Variants in GSK3B observed in about 807,000 individuals in gnomAD.
The protein encoded by GSK3B is glycogen synthase kinase-3 beta.
Under a neutral mutation model 56.4 loss-of-function variants are expected in GSK3B, and 15 were observed. That is an observed-to-expected ratio of 0.27 (90% confidence interval 0.18 to 0.41). The LOEUF is 0.41. Among genes scored for constraint, GSK3B ranks in the 10% least tolerant of loss-of-function variants. The pLI, the probability that GSK3B is intolerant of heterozygous loss-of-function variation, is 1.00. For synonymous variants in GSK3B, 181 were observed against 188.9 expected (o/e 0.96, Z 0.34); for missense variants, 300 against 513.4 (o/e 0.58, Z 4.02).
At chr3:120,061,452 A>C (rs918589175) in intron 1 of GSK3B, among the ~76,000 whole-genome samples, 1 of 152,204 alleles carries the variant, frequency 6.6e-6, no homozygotes, top group African/African-American at 2.4e-5. Context: ...TTATCAATTT[A>C]TTTCAATGTA....
chr3:119,934,189 A>G (rs1432936494), intron 3 of GSK3B, among the ~76,000 whole-genome samples: 2 of 152,196 alleles, frequency 1.3e-5, no homozygotes, highest in Non-Finnish European at 2.9e-5. Context: ...AAAGTATGGA[A>G]AGAGTGGGGA....
chr3:119,973,637 T>C (rs750977239), intron 2 of GSK3B, among the ~76,000 whole-genome samples: 3 of 152,210 alleles, frequency 2.0e-5, no homozygotes, highest in Non-Finnish European at 4.4e-5. Flanking sequence ...GCACAATAAA[T>C]ATTTTGAGAG....
In GSK3B at chr3:119,824,050, C is replaced by T. The variant is rs1241575351; in HGVS notation, c.*2738G>A. 1 of 202,838 alleles carries T rather than the reference C, an allele frequency of 4.9e-6. No homozygotes were observed. Among genetic ancestry groups the T allele is most frequent in the Non-Finnish European group, 1.0e-5 (1 of 98,878 alleles). The allele number at this position is 202,838 out of a possible 1,614,324, so 12.6% of individuals were successfully genotyped here. ...GTTAAAACTATATGGCTTTAAAAAG[C>T]TCGTCTACATTTTGTCTGATTATTA... On this transcript the variant is annotated 3_prime_UTR_variant, in exon 11 of 11. Coordinates refer to ENST00000264235, the MANE Select transcript of GSK3B (RefSeq NM_001146156.2).
intron 10 of GSK3B, among the ~76,000 whole-genome samples, chr3:119,842,199 A>G (rs2055781924): frequency 2.6e-5 from 4 of 152,216 alleles, no homozygotes; most frequent in Non-Finnish European, 1.5e-5. Context: ...ATTTCACTTC[A>G]CTCTTAAGGG....
At chr3:119,956,630 C>T (rs985984316) in intron 2 of GSK3B, among the ~76,000 whole-genome samples, 3 of 152,134 alleles carry the variant, frequency 2.0e-5, no homozygotes, top group South Asian at 2.1e-4. Context: ...AGTGATCAAA[C>T]TCCCCAGCAG....
intron 8 of GSK3B, among the ~76,000 whole-genome samples, chr3:119,876,115 A>C (rs542323749): frequency 6.6e-6 from 1 of 152,260 alleles, no homozygotes; most frequent in African/African-American, 2.4e-5. Flanking sequence ...TCTGAATTTT[A>C]GGTTGTCAAA....
At chr3:119,897,485 T>C (rs2056580730) in intron 7 of GSK3B, among the ~76,000 whole-genome samples, 1 of 151,914 alleles carries the variant, frequency 6.6e-6, no homozygotes. Flanking sequence ...TTCCTTGTAC[T>C]ATAATAGGGG....
intron 2 of GSK3B, among the ~76,000 whole-genome samples, chr3:119,949,793 CAAAAA>C (rs927567102): frequency 1.6e-5 from 1 of 62,318 alleles, no homozygotes; most frequent in African/African-American, 4.9e-5. Context: ...GACTCCGTCT[CAAAAA>C]AAAAAAAAAA....
chr3:120,074,916 C>A (rs2058356725), intron 1 of GSK3B, among the ~76,000 whole-genome samples: 1 of 152,170 alleles, frequency 6.6e-6, no homozygotes, highest in Non-Finnish European at 1.5e-5. Context: ...CACCTTGATA[C>A]CTAAGCTAGA....
At chr3:119,898,198 C>T (rs867310266) in intron 7 of GSK3B, among the ~76,000 whole-genome samples, 5 of 152,148 alleles carry the variant, frequency 3.3e-5, no homozygotes, top group Admixed American at 6.6e-5. Flanking sequence ...CTCATGTAAC[C>T]TATTAAATAT....
chr3:119,949,992 C>A (rs896408720), intron 2 of GSK3B, among the ~76,000 whole-genome samples: 3 of 151,068 alleles, frequency 2.0e-5, no homozygotes, highest in Non-Finnish European at 4.4e-5. Flanking sequence ...ATTTGGGAGT[C>A]ATCTAGATAA....
At chr3:119,927,566 C>A (rs1269669126) in intron 3 of GSK3B, among the ~76,000 whole-genome samples, 1 of 152,116 alleles carries the variant, frequency 6.6e-6, no homozygotes, top group African/African-American at 2.4e-5. Flanking sequence ...AAAGCAAAAA[C>A]AGTAGAAAGG....
rs551997172 is a variant in GSK3B, at chr3:119,834,205, C to A, written c.1196-7350G>T. On this transcript the variant is annotated intron_variant, in intron 10 of 10. Transcript: ENST00000264235. Reference sequence around the variant, plus strand: ...GTGTACCTAACTCAGGATGTTCCTACTCAAGCTGTTCCAAGTGGAAATGCT... The same window carrying A: ...GTGTACCTAACTCAGGATGTTCCTAATCAAGCTGTTCCAAGTGGAAATGCT... 7.2e-5 allele frequency among the ~76,000 whole-genome samples: 11 copies of A among 152,302 alleles called. No homozygotes were observed. In the South Asian group the frequency reaches 1.9e-3, roughly 26 times the overall value.
At chr3:119,966,612 T>C (rs1199296347) in intron 2 of GSK3B, among the ~76,000 whole-genome samples, 2 of 152,172 alleles carry the variant, frequency 1.3e-5, no homozygotes, top group Non-Finnish European at 2.9e-5. Flanking sequence ...TCAGAGAGAC[T>C]GGCTGGGGGT....
At chr3:119,861,447 G>A (rs1398644596) in intron 9 of GSK3B, among the ~76,000 whole-genome samples, 1 of 151,080 alleles carries the variant, frequency 6.6e-6, no homozygotes, top group Non-Finnish European at 1.5e-5. Context: ...GGAGGTGGAG[G>A]TTGCAGCGAG....
At chr3:119,925,300 T>C (rs1388231865) in intron 3 of GSK3B, among the ~76,000 whole-genome samples, 2 of 152,188 alleles carry the variant, frequency 1.3e-5, no homozygotes, top group Non-Finnish European at 1.5e-5. Context: ...TGCACTCCAG[T>C]CTGGGTGACA....
chr3:120,047,139 C>A (rs910134852), intron 1 of GSK3B, among the ~76,000 whole-genome samples: 1 of 152,144 alleles, frequency 6.6e-6, no homozygotes, highest in Non-Finnish European at 1.5e-5. Context: ...GATAGGCAAA[C>A]AGAATTTTCA....
intron 7 of GSK3B, among the ~76,000 whole-genome samples, chr3:119,876,763 G>A (rs979877582): frequency 6.6e-6 from 1 of 152,102 alleles, no homozygotes; most frequent in Non-Finnish European, 1.5e-5. Context: ...CTTGTGAATG[G>A]ACTCATGTCA....
intron 9 of GSK3B, among the ~76,000 whole-genome samples, chr3:119,853,757 T>C (rs1295221133): frequency 1.3e-5 from 2 of 152,202 alleles, no homozygotes; most frequent in African/African-American, 4.8e-5. Context: ...CTTGTGATTT[T>C]TGACATTGAT....
Sources: gnomAD v4.1 joint callset for allele counts (sites outside exome capture counted in the v4.1 genomes callset) on GRCh38, gnomAD v4.1.1 for gene constraint, MANE v1.5 for transcripts, NCBI Gene and HGNC (gene_info 2026-07-23, HGNC 2026-07-21) for gene names.